PTPRN2: variants seen among roughly 807,000 people sequenced by gnomAD.
PTPRN2 encodes protein tyrosine phosphatase receptor type N2.
PTPRN2 carries 74 observed loss-of-function variants against 118.8 expected under a neutral mutation model. The ratio of observed to expected loss-of-function variants is 0.62; its 90% CI spans 0.52 to 0.76. The LOEUF (loss-of-function observed/expected upper bound fraction) is 0.76. Ranked by LOEUF, PTPRN2 falls within the 30% of genes least tolerant of loss-of-function variation. The pLI, the probability that PTPRN2 is intolerant of heterozygous loss-of-function variation, is 0.00. For missense variants in PTPRN2, 1,481 were observed against 1,394.4 expected (o/e 1.06, Z -0.99); for synonymous variants, 641 against 608.0 (o/e 1.05, Z -0.80).
chr7:158,534,740 G>A (rs1337652769), intron 1 of PTPRN2, among the ~76,000 whole-genome samples: 5 of 152,144 alleles, frequency 3.3e-5, no homozygotes, highest in African/African-American at 1.2e-4. Flanking sequence ...GTTTCACCTC[G>A]GCTGTGCAGA....
chr7:157,899,469 C>T (rs1797315605), intron 11 of PTPRN2, among the ~76,000 whole-genome samples: 2 of 152,212 alleles, frequency 1.3e-5, no homozygotes, highest in Non-Finnish European at 2.9e-5. Context: ...TGGCTTACGA[C>T]TCTGTGGAAA....
intron 14 of PTPRN2, among the ~76,000 whole-genome samples, chr7:157,645,733 G>A (rs780707871): frequency 4.6e-5 from 7 of 152,214 alleles, no homozygotes; most frequent in Non-Finnish European, 1.0e-4. Context: ...CAGCAGCACC[G>A]GCTGGCCCTG....
intron 11 of PTPRN2, among the ~76,000 whole-genome samples, chr7:158,021,881 T>G (rs1189183730): frequency 6.6e-6 from 1 of 152,206 alleles, no homozygotes; most frequent in Non-Finnish European, 1.5e-5. Context: ...GGGCTGTCCA[T>G]GGGTTAGAAT....
chr7:158,409,013 T>A (rs77228714), intron 2 of PTPRN2, among the ~76,000 whole-genome samples: 15 of 141,760 alleles, frequency 1.1e-4, no homozygotes, highest in Admixed American at 5.1e-4. Flanking sequence ...AAAAAAAAAA[T>A]CAAAAGATCA....
At chr7:158,089,315 A>G (rs58773522) in intron 10 of PTPRN2, among the ~76,000 whole-genome samples, 574 of 14,154 alleles carry the variant, frequency 0.041, no homozygotes, top group Middle Eastern at 0.25. Flanking sequence ...TGATGAAGGA[A>G]GGAGTCTTCA....
chr7:157,750,264 T>C (rs889279659), intron 12 of PTPRN2, among the ~76,000 whole-genome samples: 1 of 152,194 alleles, frequency 6.6e-6, no homozygotes, highest in African/African-American at 2.4e-5. Context: ...GCCCTACCAA[T>C]GTTCTTTCTC....
chr7:157,963,646 T>TG (rs1292221259), intron 11 of PTPRN2, among the ~76,000 whole-genome samples: 71 of 152,330 alleles, frequency 4.7e-4, no homozygotes, highest in Non-Finnish European at 4.4e-5. Flanking sequence ...AGTTCGGGCC[T>TG]GGGAGAGAAG....
rs140225104 is a variant in PTPRN2, at chr7:158,045,082, T to A, written c.1723+36216A>T. On this transcript the variant is annotated intron_variant, in intron 11 of 22. Coordinates refer to ENST00000389418, the MANE Select transcript of PTPRN2 (RefSeq NM_002847.5). Reference sequence around the variant, plus strand: ...AACCCTACTGGGCTGAACTTACACATATGCATGATATTGACCCCTGAATTG... The same window carrying A: ...AACCCTACTGGGCTGAACTTACACAAATGCATGATATTGACCCCTGAATTG... 6.7e-3 allele frequency among the ~76,000 whole-genome samples: 1,023 copies of A among 152,326 alleles called. 11 individuals carry two copies. The highest frequency in any genetic ancestry group is 0.024 in the African/African-American group (979 of 41,564).
chr7:157,811,872 G>A (rs1257310546), intron 12 of PTPRN2, among the ~76,000 whole-genome samples: 1 of 152,030 alleles, frequency 6.6e-6, no homozygotes, highest in Non-Finnish European at 1.5e-5. Flanking sequence ...TACATTTTGG[G>A]GTCCCTGGAA....
At chr7:158,055,121 C>T (rs555777725) in intron 11 of PTPRN2, among the ~76,000 whole-genome samples, 81 of 152,242 alleles carry the variant, frequency 5.3e-4, no homozygotes, top group African/African-American at 1.6e-3. Flanking sequence ...GAATATCATT[C>T]ATCATTAGTT....
At chr7:157,972,539 G>C (rs1219467011) in intron 11 of PTPRN2, among the ~76,000 whole-genome samples, 5 of 127,276 alleles carry the variant, frequency 3.9e-5, no homozygotes, top group Non-Finnish European at 8.3e-5. Context: ...GGGCTTCAGA[G>C]ACCACGGGAA....
intron 6 of PTPRN2, among the ~76,000 whole-genome samples, chr7:158,163,919 C>T (rs891290615): frequency 6.6e-6 from 1 of 152,240 alleles, no homozygotes; most frequent in African/African-American, 2.4e-5. Context: ...TAGGTGATAC[C>T]TGCATGGGGT....
chr7:158,478,025 C>T (rs780995252), intron 2 of PTPRN2, among the ~76,000 whole-genome samples: 27 of 152,278 alleles, frequency 1.8e-4, no homozygotes, highest in Admixed American at 8.5e-4. Context: ...GGGACAGGAC[C>T]GAGAGCCTGT....
chr7:158,161,991 C>A (rs1822405775), intron 6 of PTPRN2, among the ~76,000 whole-genome samples: 1 of 152,228 alleles, frequency 6.6e-6, no homozygotes, highest in Non-Finnish European at 1.5e-5. Context: ...AGATGCTCTG[C>A]TTCCTCCATC....
chr7:158,082,097 C>G (rs564489011), intron 10 of PTPRN2, among the ~76,000 whole-genome samples: 1 of 152,282 alleles, frequency 6.6e-6, no homozygotes, highest in Admixed American at 6.5e-5. Context: ...CTTCCTGGAA[C>G]AGACCCCTTA....
At chr7:158,187,229 T>C (rs1825242446) in intron 5 of PTPRN2, among the ~76,000 whole-genome samples, 1 of 152,148 alleles carries the variant, frequency 6.6e-6, no homozygotes. Context: ...TAAAATAAAA[T>C]AATTCTGTTA....
intron 21 of PTPRN2, among the ~76,000 whole-genome samples, chr7:157,555,981 G>A (rs1167765594): frequency 6.6e-6 from 1 of 152,188 alleles, no homozygotes; most frequent in East Asian, 1.9e-4. Flanking sequence ...GCTCTGAAGG[G>A]CACAGACACC....
chr7:158,150,831 G>T (rs563308978), intron 6 of PTPRN2, among the ~76,000 whole-genome samples: 1 of 151,866 alleles, frequency 6.6e-6, no homozygotes, highest in African/African-American at 2.4e-5. Flanking sequence ...CATGATGGTT[G>T]CACCCCAGCC....
intron 11 of PTPRN2, among the ~76,000 whole-genome samples, chr7:158,071,372 GGTGGAGGTGCTCGTGGTGGAGGTGCTC>G (rs1563390807): frequency 1.3e-4 from 15 of 115,144 alleles, no homozygotes; most frequent in Non-Finnish European, 2.3e-4. Flanking sequence ...TGCTCATGGT[GGTGGAGGTGCTCGTGGTGGAGGTGCTC>G]GTGGTGGAGT....
Sources: gnomAD v4.1 joint callset for allele counts (sites outside exome capture counted in the v4.1 genomes callset) on GRCh38, gnomAD v4.1.1 for gene constraint, MANE v1.5 for transcripts, NCBI Gene and HGNC (gene_info 2026-07-23, HGNC 2026-07-21) for gene names.